IL17D: variants seen among roughly 807,000 people sequenced by gnomAD.
The protein encoded by IL17D is interleukin 17D, also known as interleukin-17D.
In IL17D, 10 loss-of-function variants were observed where a neutral mutation model predicts 5.7. That is an observed-to-expected ratio of 1.75 (90% CI 1.08 to 2.97). IL17D has a LOEUF of 2.97. Ranked by LOEUF, IL17D falls within the 30% of genes most tolerant of loss-of-function variation. The pLI, the probability that IL17D is intolerant of heterozygous loss-of-function variation, is 0.00. For missense variants in IL17D, 354 were observed against 292.7 expected (o/e 1.21, Z -1.53); for synonymous variants, 172 against 141.7 (o/e 1.21, Z -1.52).
chr13:20,703,105 C>A, upstream of IL17D: 1 of 182,118 alleles, frequency 5.5e-6, no homozygotes. Context: ...CGGGCCCGCA[C>A]CCGCGCCCGG....
chr13:20,710,569 C>T (rs375204965), intron 1 of IL17D, among the ~76,000 whole-genome samples: 6 of 127,740 alleles, frequency 4.7e-5, no homozygotes, highest in South Asian at 2.7e-4. Flanking sequence ...GCGGAGGTTG[C>T]GGTGAGCTGA....
intron 1 of IL17D, among the ~76,000 whole-genome samples, chr13:20,707,974 A>G (rs1175592970): frequency 6.6e-6 from 1 of 152,180 alleles, no homozygotes; most frequent in African/African-American, 2.4e-5. Flanking sequence ...ATGCAGTGGC[A>G]TGATCTTGGC....
At chr13:20,717,754 G>C (rs1167387205) in intron 1 of IL17D, among the ~76,000 whole-genome samples, 2 of 152,170 alleles carry the variant, frequency 1.3e-5, no homozygotes, top group Non-Finnish European at 2.9e-5. Context: ...CGCAGCCATG[G>C]GGGGAGGTGT....
rs11445353 is a variant in IL17D, at chr13:20,710,628, TAAAAAAAAA to T, written c.290+6353_290+6361del. ...TGGGCAACAAAAGCAAAACTCTGTC[TAAAAAAAAA>T]AAAAAAAAAAAAAAAGAAACCCCAA... is the stretch of plus-strand genomic sequence containing the variant. On this transcript the variant is annotated intron_variant, in intron 1 of 1. Coordinates refer to ENST00000682841, the MANE Select transcript of IL17D (RefSeq NM_001385224.1). Among the ~76,000 whole-genome samples, 248 of 55,294 alleles carry T rather than the reference TAAAAAAAAA, an allele frequency of 4.5e-3. 2 individuals carry two copies. The highest frequency in any genetic ancestry group is 0.018 in the African/African-American group (220 of 12,518). 36.3% of individuals were successfully genotyped at this position (55,294 alleles called of 152,430 possible). A position where few individuals can be genotyped will look rare whatever the true frequency, so the allele number is the denominator to read the frequency against.
At chr13:20,701,774 TTA>T (rs2058549418), upstream of IL17D, 2 of 152,240 alleles carry the variant, frequency 1.3e-5, no homozygotes, top group Admixed American at 6.5e-5. Flanking sequence ...TTGCACCTAT[TTA>T]TGACTCTCAA....
At chr13:20,704,476 G>C (rs1669976122) in intron 1 of IL17D, among the ~76,000 whole-genome samples, 185 bp downstream of exon 1, 2 of 127,392 alleles carry the variant, frequency 1.6e-5, no homozygotes, top group South Asian at 2.9e-4. Context: ...AGGTAGGGGT[G>C]GGGTGGTGCG....
Position 20,717,271 on chromosome 13 carries a change from C to G in IL17D, c.291-4365C>G, listed in dbSNP as rs41359452. 2.2e-3 allele frequency: 335 copies of G among 152,414 alleles called. 3 individuals carry two copies. The highest frequency in any genetic ancestry group is 7.8e-3 in the African/African-American group (324 of 41,594). The allele number at this position is 152,414 out of a possible 1,614,324, so 9.4% of individuals were successfully genotyped here. A position where few individuals can be genotyped will look rare whatever the true frequency, so the allele number is the denominator to read the frequency against. ...TCAAGAATGCCCTGGTGCCAAGCTT[C>G]TGCAGAGCAGCACGCAGAAAATGTG... On this transcript the variant is annotated intron_variant, in intron 1 of 1. Coordinates refer to ENST00000682841, the MANE Select transcript of IL17D (RefSeq NM_001385224.1).
chr13:20,710,294 GATATAC>G (rs2058624265), intron 1 of IL17D, among the ~76,000 whole-genome samples: 1 of 151,952 alleles, frequency 6.6e-6, no homozygotes, highest in Non-Finnish European at 1.5e-5. Flanking sequence ...TGAAGTTTAA[GATATAC>G]GTCATTCATT....
chr13:20,710,155 CATA>C (rs1200166799), intron 1 of IL17D, among the ~76,000 whole-genome samples: 1 of 152,092 alleles, frequency 6.6e-6, no homozygotes, highest in East Asian at 1.9e-4. Context: ...TACTTTGTGG[CATA>C]ATGTTTGTTT....
chr13:20,715,273 G>GGA lies in IL17D; in HGVS notation c.291-6363_291-6362insGA, dbSNP rs368533413. 3.3e-5 allele frequency among the ~76,000 whole-genome samples: 5 copies of GGA among 151,426 alleles called. No individual in the cohort carries two copies. The South Asian group carries it at 6.3e-4, about 19-fold the overall frequency. ...AATCAGAATCTCTGGGGGTGGGGGG[G>GGA]ACACTGATTACTATTTTTTATAAGC... is the stretch of plus-strand genomic sequence containing the variant. On this transcript the variant is annotated intron_variant, in intron 1 of 1. Transcript: ENST00000682841.
At chr13:20,707,810 C>T (rs2058602220) in intron 1 of IL17D, among the ~76,000 whole-genome samples, 1 of 152,208 alleles carries the variant, frequency 6.6e-6, no homozygotes, top group African/African-American at 2.4e-5. Context: ...CAGGCGTAAG[C>T]CATGGTGCCA....
rs1316966230 is a variant in IL17D, at chr13:20,721,784, C to G, written c.439C>G (p.Pro147Ala). Residue 147 changes from proline to alanine, a missense_variant, in exon 2 of 2, where the codon CCC (proline) becomes GCC (alanine). Physicochemically the swap from Pro to Ala is conservative, Grantham distance 27 (BLOSUM62 -1). Transcript: ENST00000682841. The part of the protein sequence containing the change: ...YMPTVVLRRT[P>A]ACAGGRSVYT... ...GCCCACCGTCGTCCTGCGCCGCACC[C>G]CCGCCTGCGCCGGCGGCCGTTCCGT... 2 of 1,609,620 alleles carry G rather than the reference C, an allele frequency of 1.2e-6. No individual in the cohort carries two copies.
At chr13:20,704,900 T>G (rs542340524) in intron 1 of IL17D, among the ~76,000 whole-genome samples, 2 of 152,212 alleles carry the variant, frequency 1.3e-5, no homozygotes, top group East Asian at 1.9e-4. Flanking sequence ...CCCTCTAGTT[T>G]AATAGCCTAA....
At position 20,722,701 on chromosome 13, in the gene IL17D, G is replaced by C. The variant is rs1428185761; in HGVS notation, c.*747G>C. On this transcript the variant is annotated 3_prime_UTR_variant, in exon 2 of 2. Transcript: ENST00000682841. ...AGGCGGCTCGCATGCCCCAGGGCCA[G>C]CTAAGAGTTCCAAAGATCTCAGATT... is the stretch of plus-strand genomic sequence containing the variant. The C allele has an allele frequency of 6.6e-6, 1 of 152,244 alleles. No individual in the cohort carries two copies. Among genetic ancestry groups the C allele is most frequent in the East Asian group, 1.9e-4 (1 of 5,198 alleles). The allele number at this position is 152,244 out of a possible 1,614,324, so 9.4% of individuals were successfully genotyped here. A position where few individuals can be genotyped will look rare whatever the true frequency, so the allele number is the denominator to read the frequency against.
chr13:20,715,427 C>T (rs1053777464), intron 1 of IL17D, among the ~76,000 whole-genome samples: 1 of 152,160 alleles, frequency 6.6e-6, no homozygotes, highest in Admixed American at 6.5e-5. Context: ...AAATTCACAC[C>T]CACTTGGGAA....
At position 20,722,080 on chromosome 13, in the gene IL17D, A is replaced by G; in HGVS notation, c.*126A>G. ...CGAGCAAACCAAGTGCCGGAGCACC[A>G]GCGCCGCCTTTCCATGGAGACTCGT... On this transcript the variant is annotated 3_prime_UTR_variant, in exon 2 of 2. Transcript: ENST00000682841. The G allele has an allele frequency of 1.4e-6, 1 of 738,614 alleles. No individual in the cohort carries two copies. The highest frequency in any genetic ancestry group is 2.1e-6 in the Non-Finnish European group (1 of 474,000). 45.8% of individuals were successfully genotyped at this position (738,614 alleles called of 1,614,324 possible).
chr13:20,708,843 C>CA (rs10644027), intron 1 of IL17D, among the ~76,000 whole-genome samples: 3,473 of 111,784 alleles, frequency 0.031, 147 homozygotes, highest in African/African-American at 0.066. Context: ...ACTAAAAATA[C>CA]AAAAAAAAAA....
At chr13:20,718,422 G>C (rs1186489569) in intron 1 of IL17D, among the ~76,000 whole-genome samples, 1 of 138,200 alleles carries the variant, frequency 7.2e-6, no homozygotes, top group East Asian at 2.3e-4. Flanking sequence ...ACACACATAC[G>C]TGCCCGTGCT....
Position 20,710,640 on chromosome 13 carries a change from A to AG in IL17D, c.290+6349_290+6350insG, listed in dbSNP as rs1243685793. On this transcript the variant is annotated intron_variant, in intron 1 of 1. Transcript: ENST00000682841. ...GCAAAACTCTGTCTAAAAAAAAAAA[A>AG]AAAAAAAAAAAAGAAACCCCAAAGA... Among the ~76,000 whole-genome samples, 193 of 149,836 alleles carry AG rather than the reference A, an allele frequency of 1.3e-3. 3 individuals carry two copies. The highest frequency in any genetic ancestry group is 0.01 in the Middle Eastern group (3 of 288).
Sources: allele counts gnomAD v4.1 joint callset (sites outside exome capture counted in the v4.1 genomes callset), GRCh38; gene constraint gnomAD v4.1.1; transcripts MANE v1.5; gene names NCBI Gene and HGNC (gene_info 2026-07-23, HGNC 2026-07-21).